PPFIBP1: variants seen among roughly 807,000 people sequenced by gnomAD.
The protein encoded by PPFIBP1 is liprin-beta-1.
PPFIBP1 carries 112 observed loss-of-function variants against 137.8 expected under a neutral mutation model. That is an observed-to-expected ratio of 0.81 (90% CI 0.70 to 0.95). The LOEUF (loss-of-function observed/expected upper bound fraction) is 0.95, where lower values mean the gene tolerates loss of function less well. Among genes scored for constraint, PPFIBP1 ranks in the 40% least tolerant of loss-of-function variants. The pLI is 0.00. For synonymous variants in PPFIBP1, 378 were observed against 417.3 expected (o/e 0.91, Z 1.15); for missense variants, 1,083 against 1,196.6 (o/e 0.91, Z 1.40).
chr12:27,585,647 C>A (rs376328706), intron 2 of PPFIBP1, among the ~76,000 whole-genome samples: 3 of 152,118 alleles, frequency 2.0e-5, no homozygotes, highest in Non-Finnish European at 4.4e-5. Flanking sequence ...TTTTGTAAGT[C>A]TGGATAAAAT....
Position 27,577,837 on chromosome 12 carries a change from GCTA to G in PPFIBP1, c.-123-306_-123-304del, listed in dbSNP as rs554244746. Among the ~76,000 whole-genome samples the G allele has an allele frequency of 2.7e-3, 404 of 152,114 alleles. 1 individual carries two copies. Among genetic ancestry groups the G allele is most frequent in the African/African-American group, 9.0e-3 (373 of 41,478 alleles). On this transcript the variant is annotated intron_variant, in intron 1 of 29. Coordinates refer to ENST00000228425, the MANE Select transcript of PPFIBP1 (RefSeq NM_003622.4). ...AACATTCATAGAGTACCTACCATGT[GCTA>G]CTACTACTTTGTGCTATAAAAATTA...
intron 1 of PPFIBP1, among the ~76,000 whole-genome samples, chr12:27,555,988 A>G (rs1352354675): frequency 2.0e-5 from 3 of 152,252 alleles, no homozygotes; most frequent in Non-Finnish European, 4.4e-5. Context: ...ATTATGAGTA[A>G]TGAATACAGA....
chr12:27,646,919 A>G (rs2058541324), intron 5 of PPFIBP1, among the ~76,000 whole-genome samples: 1 of 152,206 alleles, frequency 6.6e-6, no homozygotes, highest in Non-Finnish European at 1.5e-5. Flanking sequence ...CTTTGGGTAT[A>G]TTGAGTTGCC....
chr12:27,554,516 G>GT (rs1254301537), intron 1 of PPFIBP1, among the ~76,000 whole-genome samples: 1 of 152,154 alleles, frequency 6.6e-6, no homozygotes, highest in Non-Finnish European at 1.5e-5. Flanking sequence ...GTAAAGTGAA[G>GT]TTGATAATGC....
intron 1 of PPFIBP1, among the ~76,000 whole-genome samples, chr12:27,565,875 C>T (rs775002524): frequency 6.6e-6 from 1 of 152,132 alleles, no homozygotes; most frequent in Non-Finnish European, 1.5e-5. Context: ...CATCTTGCTA[C>T]ATCCTAACCA....
At chr12:27,537,855 T>C (rs778494313) in intron 1 of PPFIBP1, among the ~76,000 whole-genome samples, 10 of 152,106 alleles carry the variant, frequency 6.6e-5, no homozygotes, top group Non-Finnish European at 1.5e-4. Flanking sequence ...TCTTCACTTT[T>C]AGCTATGTAA....
intron 2 of PPFIBP1, among the ~76,000 whole-genome samples, chr12:27,619,780 C>G (rs1366471672): frequency 6.6e-6 from 1 of 152,104 alleles, no homozygotes; most frequent in Non-Finnish European, 1.5e-5. Context: ...TTTGTCAGAA[C>G]ACATCAAACT....
intron 8 of PPFIBP1, chr12:27,655,199 A>G: frequency 6.5e-7 from 1 of 1,535,864 alleles, no homozygotes; most frequent in African/African-American, 1.4e-5. Context: ...TGCAGTATGA[A>G]AAGCAGCGGA....
At chr12:27,681,723 C>G in intron 22 of PPFIBP1, 27 bp downstream of exon 22, 1 of 1,611,436 alleles carries the variant, frequency 6.2e-7, no homozygotes, top group Non-Finnish European at 8.5e-7. Flanking sequence ...TTTGTTCACA[C>G]AATGGATACT....
intron 7 of PPFIBP1, among the ~76,000 whole-genome samples, chr12:27,653,198 G>A (rs1464566345): frequency 1.3e-5 from 2 of 152,130 alleles, no homozygotes; most frequent in Admixed American, 6.5e-5. Context: ...ATTTCATATA[G>A]CATTGTTCTA....
chr12:27,658,503 AG>A (rs1430843876), intron 9 of PPFIBP1, among the ~76,000 whole-genome samples: 1 of 152,212 alleles, frequency 6.6e-6, no homozygotes, highest in African/African-American at 2.4e-5. Context: ...GACACTAACT[AG>A]GTTTTCATCA....
intron 2 of PPFIBP1, among the ~76,000 whole-genome samples, chr12:27,623,927 C>T (rs1281788171): frequency 6.6e-6 from 1 of 152,042 alleles, no homozygotes; most frequent in Non-Finnish European, 1.5e-5. Context: ...GAGCAGATAG[C>T]AGAAATACAG....
chr12:27,551,576 TC>T (rs948670702), intron 1 of PPFIBP1, among the ~76,000 whole-genome samples: 1 of 145,960 alleles, frequency 6.9e-6, no homozygotes, highest in African/African-American at 2.4e-5. Context: ...TATTTGATGT[TC>T]CATTGTGTAA....
At chr12:27,610,623 C>G (rs2055000023) in intron 2 of PPFIBP1, among the ~76,000 whole-genome samples, 2 of 152,176 alleles carry the variant, frequency 1.3e-5, no homozygotes, top group Admixed American at 6.5e-5. Context: ...GAGCATGAAT[C>G]ATCCTATACA....
At chr12:27,591,968 T>C (rs1282946868) in intron 2 of PPFIBP1, among the ~76,000 whole-genome samples, 1 of 152,244 alleles carries the variant, frequency 6.6e-6, no homozygotes, top group Non-Finnish European at 1.5e-5. Context: ...TGGGTCACGC[T>C]GCTACCTACT....
intron 2 of PPFIBP1, among the ~76,000 whole-genome samples, chr12:27,581,582 C>T (rs1387739379): frequency 6.6e-6 from 1 of 152,164 alleles, no homozygotes; most frequent in Admixed American, 6.5e-5. Context: ...GTCCTTTGCG[C>T]CCTTTTCTCT....
At chr12:27,673,884 G>C in intron 16 of PPFIBP1, 57 bp downstream of exon 16, 1 of 1,409,586 alleles carries the variant, frequency 7.1e-7, no homozygotes, top group Non-Finnish European at 9.9e-7. Flanking sequence ...AAACTATTTA[G>C]GGATCTTCAT....
rs370021875 is a variant in PPFIBP1 at position 27,646,079 on chromosome 12, A to T, written c.288A>T (p.Pro96=). The stretch of plus-strand genomic sequence containing the variant: ...TTTTTCAGACAAATGGACACCTACC[A>T]GGGAACGGAGATGTGTATCAAGAAA... ...LQSQMTNGHL[P]GNGDVYQERL... The change falls in exon 5 of 30, where the codon CCA becomes CCT. Residue 96 remains proline (P), a synonymous_variant. Coordinates refer to ENST00000228425, the MANE Select transcript of PPFIBP1 (RefSeq NM_003622.4). The T allele has an allele frequency of 4.0e-5, 65 of 1,609,420 alleles. No homozygotes were observed. The East Asian group carries it at 7.6e-4, about 19-fold the overall frequency.
At chr12:27,630,938 A>G (rs1330491862) in intron 2 of PPFIBP1, among the ~76,000 whole-genome samples, 1 of 152,086 alleles carries the variant, frequency 6.6e-6, no homozygotes, top group Non-Finnish European at 1.5e-5. Flanking sequence ...TTGTTCCTTC[A>G]TTACTGCCTT....
Sources: gnomAD v4.1 joint callset for allele counts (sites outside exome capture counted in the v4.1 genomes callset) on GRCh38, gnomAD v4.1.1 for gene constraint, MANE v1.5 for transcripts, NCBI Gene and HGNC (gene_info 2026-07-23, HGNC 2026-07-21) for gene names.